The following PIK3R3 variants were observed in gnomAD, a reference collection of about 807,000 sequenced individuals.
PIK3R3 encodes the protein phosphoinositide-3-kinase regulatory subunit 3, also known as phosphatidylinositol 3-kinase regulatory subunit gamma.
In PIK3R3, 64 loss-of-function variants were observed where a neutral mutation model predicts 62.9. The ratio of observed to expected loss-of-function variants is 1.02; its 90% confidence interval spans 0.83 to 1.25. The LOEUF (loss-of-function observed/expected upper bound fraction) is 1.25, where lower values mean the gene tolerates loss of function less well. Among genes scored for constraint, PIK3R3 ranks in the 50% most tolerant of loss-of-function variants. PIK3R3 has a pLI of 0.00. For synonymous variants in PIK3R3, 165 were observed against 189.0 expected, an observed-to-expected ratio of 0.87 and a Z score of 1.04; for missense variants, 614 against 561.6, an observed-to-expected ratio of 1.09 and a Z score of -0.94.
Position 46,132,572 on chromosome 1 carries a change from G to C in PIK3R3, c.-620C>G. Reference sequence around the variant, plus strand: ...TCCAGTCAGCTCGGCTTGTCTGGGCGCTCCCGCCGGGGTGTAAGAACCAAC... The same window carrying C: ...TCCAGTCAGCTCGGCTTGTCTGGGCCCTCCCGCCGGGGTGTAAGAACCAAC... On this transcript the variant is annotated 5_prime_UTR_variant, in exon 1 of 10. Transcript: ENST00000262741. 1 of 1,284,626 alleles carries C rather than the reference G, an allele frequency of 7.8e-7. No individual in the cohort carries two copies. Among genetic ancestry groups the C allele is most frequent in the Non-Finnish European group, 1.0e-6 (1 of 986,134 alleles). 79.6% of individuals were successfully genotyped at this position (1,284,626 alleles called of 1,614,324 possible).
intron 1 of PIK3R3, among the ~76,000 whole-genome samples, chr1:46,126,132 C>A (rs1209577315): frequency 6.6e-6 from 1 of 152,106 alleles, no homozygotes; most frequent in Non-Finnish European, 1.5e-5. Context: ...CACTAAGATA[C>A]TATTGGCCAT....
In PIK3R3 at chr1:46,052,402, T is replaced by C. The variant is rs11806995; in HGVS notation, c.941+3393A>G. Among the ~76,000 whole-genome samples, 98 of 152,202 alleles carry C rather than the reference T, an allele frequency of 6.4e-4. 1 individual carries two copies. The highest frequency in any genetic ancestry group is 2.1e-3 in the African/African-American group (89 of 41,524). On this transcript the variant is annotated intron_variant, in intron 7 of 9. Transcript: ENST00000262741. The stretch of plus-strand genomic sequence containing the variant: ...AGCCTTAACTCATGAGGAAAAAGAA[T>C]TGCATATTAACAACAAAATTCCTTT...
chr1:46,090,250 G>A (rs1422677292), intron 1 of PIK3R3, among the ~76,000 whole-genome samples: 1 of 152,058 alleles, frequency 6.6e-6, no homozygotes, highest in East Asian at 1.9e-4. Context: ...ACTTGTACAG[G>A]CTAGTGAGAG....
the PIK3R3 span, among the ~76,000 whole-genome samples, chr1:46,157,424 G>A: frequency 6.6e-6 from 1 of 152,150 alleles, no homozygotes; most frequent in Non-Finnish European, 1.5e-5. Context: ...ATGAGCCACT[G>A]TGCCTGACCA....
the PIK3R3 span, among the ~76,000 whole-genome samples, chr1:46,140,596 A>C: frequency 1.3e-5 from 2 of 152,184 alleles, no homozygotes; most frequent in African/African-American, 4.8e-5. Flanking sequence ...AAACAGAGGG[A>C]GATTGGAGAC....
At chr1:46,068,987 A>C (rs1440613835) in intron 3 of PIK3R3, among the ~76,000 whole-genome samples, 1 of 152,208 alleles carries the variant, frequency 6.6e-6, no homozygotes, top group Non-Finnish European at 1.5e-5. Context: ...ATCACTTGTG[A>C]AACTTTTATA....
At chr1:46,122,520 ACCACGCCTGG>A (rs1033347269) in intron 1 of PIK3R3, among the ~76,000 whole-genome samples, 1 of 152,044 alleles carries the variant, frequency 6.6e-6, no homozygotes, top group Admixed American at 6.6e-5. Flanking sequence ...CAGGCGCGCC[ACCACGCCTGG>A]CTAATTTTTT....
chr1:46,137,343 T>A (rs1655968024), upstream of PIK3R3, among the ~76,000 whole-genome samples: 1 of 152,212 alleles, frequency 6.6e-6, no homozygotes, highest in African/African-American at 2.4e-5. Flanking sequence ...ATAAGCGCTA[T>A]AATCAAGAAT....
chr1:46,094,023 T>C (rs1651886522), intron 1 of PIK3R3, among the ~76,000 whole-genome samples: 1 of 150,100 alleles, frequency 6.7e-6, no homozygotes, highest in South Asian at 2.1e-4. Flanking sequence ...GAGCCAAGAT[T>C]GCACCACTGC....
the PIK3R3 span, among the ~76,000 whole-genome samples, chr1:46,166,182 G>T: frequency 1.3e-5 from 2 of 151,764 alleles, no homozygotes; most frequent in African/African-American, 4.8e-5. Flanking sequence ...AATACCATCT[G>T]TCTATTCCTA....
intron 1 of PIK3R3, among the ~76,000 whole-genome samples, chr1:46,129,509 A>G (rs998967821): frequency 6.6e-6 from 1 of 152,034 alleles, no homozygotes. Context: ...TTGTAAGATA[A>G]ATCATCAGAT....
chr1:46,045,401 T>G (rs1647082123), intron 9 of PIK3R3, among the ~76,000 whole-genome samples: 1 of 152,266 alleles, frequency 6.6e-6, no homozygotes, highest in Admixed American at 6.5e-5. Flanking sequence ...TCACTTTCCA[T>G]TAAAAGGAAA....
the PIK3R3 span, among the ~76,000 whole-genome samples, chr1:46,156,555 G>C: frequency 6.6e-6 from 1 of 151,826 alleles, no homozygotes; most frequent in African/African-American, 2.4e-5. Flanking sequence ...GAAGACATCT[G>C]TGGTGAAGTA....
chr1:46,104,964 ATCT>A, intron 1 of PIK3R3: 1 of 663,742 alleles, frequency 1.5e-6, no homozygotes, highest in South Asian at 1.6e-5. Context: ...ACACTAAGTC[ATCT>A]CCAAGTTCAA....
At chr1:46,102,856 CATT>C (rs961772678) in intron 1 of PIK3R3, among the ~76,000 whole-genome samples, 6 of 115,114 alleles carry the variant, frequency 5.2e-5, no homozygotes, top group African/African-American at 1.7e-4. Flanking sequence ...CTCAAAGAGA[CATT>C]ATAGTAGCAG....
Position 46,080,769 on chromosome 1 carries a change from T to C in PIK3R3, c.107-19A>G, listed in dbSNP as rs773176722. ...GGAAGAGCTAGAAGAGAAATGAATA[T>C]TACTCTGTAGATGTAAATTATTTAC... On this transcript the variant is annotated intron_variant, in intron 1 of 9. Coordinates refer to ENST00000262741, the MANE Select transcript of PIK3R3 (RefSeq NM_003629.4). The C allele has an allele frequency of 9.4e-6, 14 of 1,496,098 alleles. No individual in the cohort carries two copies. The highest frequency in any genetic ancestry group is 6.7e-5 in the Admixed American group (4 of 59,744). The allele number at this position is 1,496,098 out of a possible 1,614,324, so 92.7% of individuals were successfully genotyped here. A position where few individuals can be genotyped will look rare whatever the true frequency, so the allele number is the denominator to read the frequency against.
At position 46,089,453 on chromosome 1, in the gene PIK3R3, C is replaced by T. The variant is rs377185416; in HGVS notation, c.107-8703G>A. On this transcript the variant is annotated intron_variant, in intron 1 of 9. Coordinates refer to ENST00000262741, the MANE Select transcript of PIK3R3 (RefSeq NM_003629.4). ...AAATGAGGCCAGGTGTGGTGGCTCA[C>T]GCCTGTAATCCCAGCACTTTGGGAG... Among the ~76,000 whole-genome samples, 21 of 152,164 alleles carry T rather than the reference C, an allele frequency of 1.4e-4. No individual in the cohort carries two copies. In the East Asian group the frequency reaches 1.9e-3, roughly 14 times the overall value.
intron 9 of PIK3R3, 83 bp from the exon 10 acceptor site, chr1:46,043,954 A>C (rs1035067346): frequency 1.6e-5 from 19 of 1,161,972 alleles, no homozygotes; most frequent in Admixed American, 2.2e-5. Context: ...TCTGAGAGCA[A>C]TTGTTATGCA....
chr1:46,091,369 G>A (rs976043531), intron 1 of PIK3R3, among the ~76,000 whole-genome samples: 1 of 151,962 alleles, frequency 6.6e-6, no homozygotes, highest in African/African-American at 2.4e-5. Context: ...TTGAACTCCT[G>A]ACCTGAGGTG....
Sources: allele counts gnomAD v4.1 joint callset (sites outside exome capture counted in the v4.1 genomes callset), GRCh38; gene constraint gnomAD v4.1.1; transcripts MANE v1.5; gene names NCBI Gene and HGNC (gene_info 2026-07-23, HGNC 2026-07-21).